NKAIN2: variants seen among roughly 807,000 people sequenced by gnomAD.
NKAIN2 encodes the protein sodium/potassium transporting ATPase interacting 2, also known as sodium/potassium-transporting ATPase subunit beta-1-interacting protein 2.
Under a neutral mutation model 32.6 loss-of-function variants are expected in NKAIN2, and 14 were observed. That is an observed-to-expected ratio of 0.43 (90% CI 0.28 to 0.67). NKAIN2 has a LOEUF of 0.67. NKAIN2 is among the 30% of genes least tolerant of loss of function. The pLI is 0.17. For synonymous variants in NKAIN2, 80 were observed against 87.2 expected, an observed-to-expected ratio of 0.92 and a Z score of 0.46; for missense variants, 198 against 258.3, an observed-to-expected ratio of 0.77 and a Z score of 1.60.
At chr6:124,554,485 G>A (rs1013947539) in intron 3 of NKAIN2, among the ~76,000 whole-genome samples, 10 of 152,244 alleles carry the variant, frequency 6.6e-5, no homozygotes, top group African/African-American at 2.2e-4. Flanking sequence ...GCGTGCAGCA[G>A]CATAGAAGAT....
intron 3 of NKAIN2, among the ~76,000 whole-genome samples, chr6:124,640,784 C>T (rs1159033579): frequency 6.6e-6 from 1 of 152,184 alleles, no homozygotes; most frequent in Non-Finnish European, 1.5e-5. Context: ...GTTCGATGAA[C>T]TTTAACATAG....
intron 2 of NKAIN2, among the ~76,000 whole-genome samples, chr6:124,328,981 T>C (rs1194851351): frequency 1.3e-5 from 2 of 152,168 alleles, no homozygotes; most frequent in Non-Finnish European, 1.5e-5. Context: ...TCCACATTAG[T>C]GGTTGGTTTC....
intron 1 of NKAIN2, among the ~76,000 whole-genome samples, chr6:124,281,211 G>A (rs945496075): frequency 2.0e-5 from 3 of 152,124 alleles, no homozygotes; most frequent in African/African-American, 7.2e-5. Context: ...CTTGCTGTTG[G>A]TTTACATTCC....
intron 1 of NKAIN2, among the ~76,000 whole-genome samples, chr6:123,887,450 T>C (rs958285829): frequency 2.0e-5 from 3 of 152,096 alleles, no homozygotes; most frequent in Non-Finnish European, 4.4e-5. Context: ...TAAAACCAGA[T>C]GGAAAAATCA....
intron 5 of NKAIN2, among the ~76,000 whole-genome samples, chr6:124,806,819 A>AGGATGGAGGAAG (rs1307158211): frequency 1.4e-4 from 21 of 151,670 alleles, no homozygotes; most frequent in African/African-American, 2.9e-4. Context: ...GGAAAACAAA[A>AGGATGGAGGAAG]AAAGGCAGGG....
chr6:123,886,269 A>G (rs933213096), intron 1 of NKAIN2, among the ~76,000 whole-genome samples: 11 of 151,950 alleles, frequency 7.2e-5, no homozygotes, highest in Non-Finnish European at 1.3e-4. Context: ...CATATAAATA[A>G]AAAAGAAGAA....
At chr6:124,280,386 A>T (rs1382713521) in intron 1 of NKAIN2, among the ~76,000 whole-genome samples, 1 of 152,166 alleles carries the variant, frequency 6.6e-6, no homozygotes, top group Non-Finnish European at 1.5e-5. Context: ...AACAAAATCT[A>T]TTTGTTTTTG....
intron 2 of NKAIN2, among the ~76,000 whole-genome samples, chr6:124,296,376 G>A (rs1337463516): frequency 1.3e-5 from 2 of 151,910 alleles, no homozygotes; most frequent in African/African-American, 4.8e-5. Context: ...CGATAGTTAT[G>A]GAAATTATTT....
chr6:123,947,363 A>G (rs1409553457), intron 1 of NKAIN2, among the ~76,000 whole-genome samples: 1 of 152,180 alleles, frequency 6.6e-6, no homozygotes, highest in African/African-American at 2.4e-5. Context: ...AGTTAAGGAG[A>G]GAGAAAATGC....
At chr6:123,949,599 CT>C (rs1777230870) in intron 1 of NKAIN2, among the ~76,000 whole-genome samples, 1 of 151,708 alleles carries the variant, frequency 6.6e-6, no homozygotes, top group Non-Finnish European at 1.5e-5. Context: ...TTTTTCTCAG[CT>C]AGTTCATTAT....
chr6:124,715,865 C>A (rs1775727358), intron 4 of NKAIN2, among the ~76,000 whole-genome samples: 1 of 152,148 alleles, frequency 6.6e-6, no homozygotes, highest in African/African-American at 2.4e-5. Context: ...CATTTTTTGG[C>A]TAGAGTTAAG....
chr6:124,736,668 C>A (rs1776961766), intron 4 of NKAIN2, among the ~76,000 whole-genome samples: 1 of 151,874 alleles, frequency 6.6e-6, no homozygotes, highest in African/African-American at 2.4e-5. Context: ...AACAACAAAG[C>A]CTGAATGATA....
intron 3 of NKAIN2, among the ~76,000 whole-genome samples, chr6:124,501,675 C>G (rs1440661439): frequency 6.6e-6 from 1 of 152,128 alleles, no homozygotes; most frequent in African/African-American, 2.4e-5. Flanking sequence ...CTATAGCCCT[C>G]AAGTTTATGT....
Position 124,718,776 on chromosome 6 carries a change from CA to C in NKAIN2, c.474+60391del, listed in dbSNP as rs1241667204. Among the ~76,000 whole-genome samples the C allele has an allele frequency of 2.6e-5, 3 of 115,256 alleles. No individual in the cohort carries two copies. In the Admixed American group the frequency reaches 2.7e-4, roughly 11 times the overall value. 75.6% of individuals were successfully genotyped at this position (115,256 alleles called of 152,430 possible). On this transcript the variant is annotated intron_variant, in intron 4 of 6. Transcript: ENST00000368417. ...TAAGTGCTTGAAAGTGACGCTTATG[CA>C]GAATACTAAAAAATCTTCCGAATCT...
At chr6:123,915,040 A>T (rs1192213024) in intron 1 of NKAIN2, among the ~76,000 whole-genome samples, 1 of 152,118 alleles carries the variant, frequency 6.6e-6, no homozygotes, top group East Asian at 1.9e-4. Flanking sequence ...TTCTCCAAAT[A>T]ATTTGTATGT....
At chr6:124,331,857 A>G (rs1797675575) in intron 2 of NKAIN2, among the ~76,000 whole-genome samples, 1 of 152,190 alleles carries the variant, frequency 6.6e-6, no homozygotes, top group Non-Finnish European at 1.5e-5. Context: ...TTCTGGAGCC[A>G]AATGATAAAA....
At chr6:123,981,043 T>C (rs1348044159) in intron 1 of NKAIN2, among the ~76,000 whole-genome samples, 4 of 152,100 alleles carry the variant, frequency 2.6e-5, no homozygotes, top group Admixed American at 2.6e-4. Context: ...CTATTTTTTG[T>C]ATTTTAGTAG....
At chr6:124,311,100 A>G (rs1175735875) in intron 2 of NKAIN2, among the ~76,000 whole-genome samples, 4 of 152,070 alleles carry the variant, frequency 2.6e-5, no homozygotes, top group South Asian at 2.1e-4. Flanking sequence ...TCATCAACTT[A>G]TTAGGAGAGA....
intron 2 of NKAIN2, among the ~76,000 whole-genome samples, chr6:124,332,425 T>C (rs1052115889): frequency 2.4e-4 from 36 of 152,180 alleles, no homozygotes; most frequent in African/African-American, 8.2e-4. Context: ...TAAATGTTTA[T>C]TTAAATTTGT....
Sources: gnomAD v4.1 joint callset for allele counts (sites outside exome capture counted in the v4.1 genomes callset) on GRCh38, gnomAD v4.1.1 for gene constraint, MANE v1.5 for transcripts, NCBI Gene and HGNC (gene_info 2026-07-23, HGNC 2026-07-21) for gene names.